DACH2: variants seen among roughly 807,000 people sequenced by gnomAD.
DACH2 encodes the protein dachshund homolog 2.
DACH2 carries 17 observed loss-of-function variants against 35.8 expected under a neutral mutation model. The ratio of observed to expected loss-of-function variants is 0.48; its 90% CI spans 0.33 to 0.71. DACH2 has a LOEUF of 0.71. Among genes scored for constraint, DACH2 ranks in the 30% least tolerant of loss-of-function variants. The pLI is 0.02. For synonymous variants in DACH2, 195 were observed against 177.3 expected (o/e 1.10, Z -0.79); for missense variants, 469 against 472.7 (o/e 0.99, Z 0.07).
intron 1 of DACH2, among the ~76,000 whole-genome samples, chrX:86,321,787 CTTGCGTTAAAT>C (rs1390666056): frequency 8.9e-6 from 1 of 112,365 alleles, no homozygotes; most frequent in Non-Finnish European, 1.9e-5. Context: ...AGATTAAACA[CTTGCGTTAAAT>C]TTTGGAAAGC....
chrX:86,598,060 G>A (rs984604170), intron 3 of DACH2, among the ~76,000 whole-genome samples: 9 of 110,985 alleles, frequency 8.1e-5, no homozygotes, highest in African/African-American at 1.6e-4. Context: ...ATCATATCTC[G>A]TGAGATTTAT....
chrX:86,812,489 AATTG>A (rs1382677745), intron 7 of DACH2, among the ~76,000 whole-genome samples: 4 of 112,004 alleles, frequency 3.6e-5, no homozygotes, highest in African/African-American at 1.3e-4. Flanking sequence ...AAGATAAATA[AATTG>A]ATTGATTAAT....
intron 3 of DACH2, among the ~76,000 whole-genome samples, chrX:86,578,904 A>G (rs2039468538): frequency 1.8e-5 from 2 of 111,440 alleles, no homozygotes; most frequent in South Asian, 7.4e-4. Context: ...CATCTTTGAC[A>G]AGTTTTTTAA....
At chrX:86,437,935 A>T (rs922430986) in intron 2 of DACH2, among the ~76,000 whole-genome samples, 1 of 109,281 alleles carries the variant, frequency 9.2e-6, no homozygotes, top group Non-Finnish European at 1.9e-5. Context: ...TTATATATGT[A>T]AACTCATGTC....
intron 3 of DACH2, among the ~76,000 whole-genome samples, chrX:86,603,957 AT>A (rs1444997893): frequency 9.0e-6 from 1 of 110,687 alleles, no homozygotes; most frequent in African/African-American, 3.3e-5. Flanking sequence ...TTATCTAGAT[AT>A]TTTTCTCTTA....
At chrX:86,296,380 C>CAAAAAAA (rs61713614) in intron 1 of DACH2, among the ~76,000 whole-genome samples, 22 of 68,433 alleles carry the variant, frequency 3.2e-4, no homozygotes, top group Non-Finnish European at 3.5e-4. Flanking sequence ...GACTCCATCT[C>CAAAAAAA]AAAAAAAAAA....
intron 2 of DACH2, among the ~76,000 whole-genome samples, chrX:86,466,268 T>A (rs1367865013): frequency 9.0e-6 from 1 of 111,417 alleles, no homozygotes; most frequent in Non-Finnish European, 1.9e-5. Context: ...ACAGCCCCCA[T>A]GATTCAAGTT....
At chrX:86,435,598 G>C (rs1180441739) in intron 2 of DACH2, among the ~76,000 whole-genome samples, 2 of 111,746 alleles carry the variant, frequency 1.8e-5, no homozygotes, top group East Asian at 5.6e-4. Context: ...TTTTGCTTTG[G>C]AATGTCCACA....
At chrX:86,299,771 T>A (rs73516083) in intron 1 of DACH2, among the ~76,000 whole-genome samples, 2 of 111,811 alleles carry the variant, frequency 1.8e-5, no homozygotes, top group Non-Finnish European at 3.8e-5. Context: ...TCAGGGCCAT[T>A]TGTGGCATTT....
In DACH2 at chrX:86,626,750, G is replaced by A. The variant is rs1196451333; in HGVS notation, c.641-24286G>A. On this transcript the variant is annotated intron_variant, in intron 3 of 11. Coordinates refer to ENST00000373125, the MANE Select transcript of DACH2 (RefSeq NM_053281.3). ...CTTGCATCTTCTGAAGCAACAGCCT[G>A]AGCTGTATGTTGGTCACTTTTAGTC... 3.5e-5 allele frequency among the ~76,000 whole-genome samples: 4 copies of A among 112,879 alleles called. No individual in the cohort carries two copies. The Admixed American group carries it at 3.7e-4, about 11-fold the overall frequency.
intron 2 of DACH2, among the ~76,000 whole-genome samples, chrX:86,404,531 C>A (rs1213140655): frequency 1.8e-5 from 2 of 112,444 alleles, no homozygotes; most frequent in African/African-American, 3.2e-5. Context: ...CCAGGTTATG[C>A]TGATGCAAGA....
At chrX:86,176,262 G>T (rs1306157716) in intron 1 of DACH2, among the ~76,000 whole-genome samples, 1 of 111,305 alleles carries the variant, frequency 9.0e-6, no homozygotes, top group East Asian at 2.8e-4. Context: ...CCAAGAAGGG[G>T]CCAAAGGATT....
chrX:86,341,212 T>C (rs972107321), intron 1 of DACH2, among the ~76,000 whole-genome samples: 2 of 111,992 alleles, frequency 1.8e-5, no homozygotes, highest in Non-Finnish European at 3.8e-5. Context: ...AATGCCAGCC[T>C]TCAAAACGTC....
At chrX:86,578,288 T>C (rs1351917420) in intron 3 of DACH2, among the ~76,000 whole-genome samples, 1 of 109,698 alleles carries the variant, frequency 9.1e-6, no homozygotes, top group East Asian at 2.9e-4. Context: ...TAACTCTCTG[T>C]GTTCATTGTT....
At chrX:86,685,089 G>A (rs2040926093) in intron 4 of DACH2, among the ~76,000 whole-genome samples, 1 of 111,664 alleles carries the variant, frequency 9.0e-6, no homozygotes, top group African/African-American at 3.2e-5. Context: ...TTCCTACATT[G>A]AGTAGAAGTA....
At chrX:86,400,827 G>A (rs2036412679) in intron 2 of DACH2, among the ~76,000 whole-genome samples, 1 of 112,391 alleles carries the variant, frequency 8.9e-6, no homozygotes, top group African/African-American at 3.2e-5. Context: ...TCGGGGGTCA[G>A]GGACCCACTT....
At chrX:86,185,141 G>A (rs1248491280) in intron 1 of DACH2, among the ~76,000 whole-genome samples, 1 of 111,379 alleles carries the variant, frequency 9.0e-6, no homozygotes, top group Non-Finnish European at 1.9e-5. Flanking sequence ...CAGGAAATAT[G>A]GAATATTAAC....
intron 1 of DACH2, among the ~76,000 whole-genome samples, chrX:86,254,801 T>TAGAGAGAG (rs1419488714): frequency 8.9e-5 from 6 of 67,416 alleles, no homozygotes; most frequent in African/African-American, 4.8e-4. Flanking sequence ...TATATATATA[T>TAGAGAGAG]ATATATAGAG....
chrX:86,514,024 C>T (rs2038431617), intron 2 of DACH2, among the ~76,000 whole-genome samples: 1 of 111,570 alleles, frequency 9.0e-6, no homozygotes, highest in Non-Finnish European at 1.9e-5. Context: ...AGCTGCATTG[C>T]AAAGTGCTGG....
Sources: gnomAD v4.1 joint callset for allele counts (sites outside exome capture counted in the v4.1 genomes callset) on GRCh38, gnomAD v4.1.1 for gene constraint, MANE v1.5 for transcripts, NCBI Gene and HGNC (gene_info 2026-07-23, HGNC 2026-07-21) for gene names.